Variants in KALRN observed in about 807,000 individuals in gnomAD.
KALRN encodes kalirin.
KALRN carries 70 observed loss-of-function variants against 353.7 expected under a neutral mutation model. The ratio of observed to expected loss-of-function variants is 0.20; its 90% confidence interval spans 0.16 to 0.24. The LOEUF is 0.24. KALRN is among the 10% of genes least tolerant of loss of function. The pLI is 1.00. For synonymous variants in KALRN, 1,391 were observed against 1,434.8 expected, an observed-to-expected ratio of 0.97 and a Z score of 0.69; for missense variants, 2,791 against 3,756.7, an observed-to-expected ratio of 0.74 and a Z score of 6.72.
chr3:124,315,116 G>A (rs1054953921), intron 6 of KALRN, among the ~76,000 whole-genome samples: 4 of 152,234 alleles, frequency 2.6e-5, no homozygotes, highest in Non-Finnish European at 5.9e-5. Flanking sequence ...GGTTTGGAGA[G>A]TCAAGTATCT....
chr3:124,439,106 CTCTTTCTCTTTTCTT>C, intron 18 of KALRN, 69 bp downstream of exon 18: 1 of 1,471,058 alleles, frequency 6.8e-7, no homozygotes. Context: ...CATCCTCTTT[CTCTTTCTCTTTTCTT>C]TCTTTCTCTT....
At chr3:124,206,898 T>A (rs1453464501) in intron 1 of KALRN, among the ~76,000 whole-genome samples, 1 of 152,240 alleles carries the variant, frequency 6.6e-6, no homozygotes, top group African/African-American at 2.4e-5. Flanking sequence ...TTCTGTGGAT[T>A]GTTTTTGTCA....
intron 23 of KALRN, among the ~76,000 whole-genome samples, chr3:124,460,961 T>A (rs1199914973): frequency 6.6e-6 from 1 of 152,186 alleles, no homozygotes; most frequent in Non-Finnish European, 1.5e-5. Context: ...ATTTATACTG[T>A]GCTTATGGTT....
At chr3:124,454,597 C>G (rs1157774500) in intron 21 of KALRN, among the ~76,000 whole-genome samples, 1 of 152,162 alleles carries the variant, frequency 6.6e-6, no homozygotes, top group Non-Finnish European at 1.5e-5. Flanking sequence ...ATACACCAGC[C>G]CTCTGAAGTA....
intron 13 of KALRN, among the ~76,000 whole-genome samples, chr3:124,413,112 C>T (rs2092292845): frequency 6.6e-6 from 1 of 152,168 alleles, no homozygotes; most frequent in Non-Finnish European, 1.5e-5. Flanking sequence ...TGAGGGTCAA[C>T]TTCCTCTCCT....
intron 38 of KALRN, among the ~76,000 whole-genome samples, chr3:124,652,811 T>C (rs975625333): frequency 1.3e-5 from 2 of 151,990 alleles, no homozygotes; most frequent in Non-Finnish European, 2.9e-5. Context: ...TCTCCTGACC[T>C]CGTGATCCGC....
intron 1 of KALRN, among the ~76,000 whole-genome samples, chr3:124,036,357 G>A (rs2039419319): frequency 6.6e-6 from 1 of 151,978 alleles, no homozygotes; most frequent in African/African-American, 2.4e-5. Context: ...TAAGATAACA[G>A]CCTCCACCTC....
chr3:124,440,871 AAATACTGTC>A (rs2093645464), intron 18 of KALRN, among the ~76,000 whole-genome samples: 1 of 151,884 alleles, frequency 6.6e-6, no homozygotes, highest in South Asian at 2.1e-4. Flanking sequence ...GAGGAACAAG[AAATACTGTC>A]AGTCATCCTA....
chr3:124,516,182 AT>A (rs1402575776), intron 33 of KALRN, among the ~76,000 whole-genome samples: 1 of 152,226 alleles, frequency 6.6e-6, no homozygotes, highest in Non-Finnish European at 1.5e-5. Context: ...GCTTTCCAAG[AT>A]TTTTAGAATC....
chr3:124,607,804 C>T (rs1389736488), intron 34 of KALRN, among the ~76,000 whole-genome samples: 1 of 151,836 alleles, frequency 6.6e-6, no homozygotes, highest in Non-Finnish European at 1.5e-5. Flanking sequence ...TTAGTAGAGA[C>T]ACGTTGACCA....
intron 1 of KALRN, among the ~76,000 whole-genome samples, chr3:124,124,304 C>T (rs962584839): frequency 1.3e-5 from 2 of 152,102 alleles, no homozygotes; most frequent in African/African-American, 4.8e-5. Context: ...GAAGACATAG[C>T]AAGAAAACTA....
chr3:124,482,970 C>G, intron 28 of KALRN, 70 bp downstream of exon 28: 2 of 1,069,588 alleles, frequency 1.9e-6, no homozygotes, highest in Non-Finnish European at 2.9e-6. Context: ...CAGCTTTGGC[C>G]CCTAAGGATA....
chr3:124,659,526 G>T, intron 43 of KALRN, 69 bp downstream of exon 43: 1 of 1,059,458 alleles, frequency 9.4e-7, no homozygotes, highest in Non-Finnish European at 1.5e-6. Context: ...TTCTGAGCTA[G>T]GGGTAGAGCT....
intron 51 of KALRN, among the ~76,000 whole-genome samples, chr3:124,684,043 C>T (rs1228882979): frequency 6.6e-6 from 1 of 151,978 alleles, no homozygotes; most frequent in African/African-American, 2.4e-5. Context: ...AATGTTATAC[C>T]ACCATCACCA....
intron 21 of KALRN, among the ~76,000 whole-genome samples, chr3:124,450,932 G>A (rs534327843): frequency 1.2e-4 from 18 of 151,866 alleles, no homozygotes; most frequent in Non-Finnish European, 1.8e-4. Flanking sequence ...GTTCTTTTAT[G>A]TATAATAACA....
At chr3:124,598,463 G>T (rs1285294930) in intron 34 of KALRN, among the ~76,000 whole-genome samples, 1 of 152,192 alleles carries the variant, frequency 6.6e-6, no homozygotes, top group Non-Finnish European at 1.5e-5. Context: ...GTGGCTGCCA[G>T]AGTATTCTGG....
intron 11 of KALRN, among the ~76,000 whole-genome samples, chr3:124,392,909 G>A (rs1366970457): frequency 1.3e-5 from 2 of 150,910 alleles, no homozygotes; most frequent in African/African-American, 4.9e-5. Flanking sequence ...CTAGCATTAG[G>A]TATATCTCCC....
Position 124,724,031 on chromosome 3 carries a change from T to TC in KALRN, c.*4561_*4562insC, listed in dbSNP as rs36104641. 1.6e-5 allele frequency: 1 copy of TC among 61,346 alleles called. No homozygotes were observed. The highest frequency in any genetic ancestry group is 4.5e-5 in the Non-Finnish European group (1 of 22,366). 3.8% of individuals were successfully genotyped at this position (61,346 alleles called of 1,614,324 possible). On this transcript the variant is annotated 3_prime_UTR_variant, in exon 60 of 60. Coordinates refer to ENST00000682506, the MANE Select transcript of KALRN (RefSeq NM_001388419.1). ...ATTTTTGGAGGACAAACCTTGAATC[T>TC]TTTTTTTTTTTTTTAGGTGGTTAGG...
intron 49 of KALRN, chr3:124,677,379 A>G: frequency 3.1e-6 from 1 of 323,178 alleles, no homozygotes; most frequent in African/African-American, 2.2e-5. Flanking sequence ...GCTTGTCTTC[A>G]TAGGTCTGTG....
Sources: gnomAD v4.1 joint callset for allele counts (sites outside exome capture counted in the v4.1 genomes callset) on GRCh38, gnomAD v4.1.1 for gene constraint, MANE v1.5 for transcripts, NCBI Gene and HGNC (gene_info 2026-07-23, HGNC 2026-07-21) for gene names.